Variants in EYA2 observed in about 807,000 individuals in gnomAD.
EYA2 encodes the protein EYA transcriptional coactivator and phosphatase 2.
EYA2 carries 31 observed loss-of-function variants against 69.2 expected under a neutral mutation model. The ratio of observed to expected loss-of-function variants is 0.45; its 90% CI spans 0.34 to 0.60. The LOEUF (loss-of-function observed/expected upper bound fraction) is 0.60, where lower values mean the gene tolerates loss of function less well. Among genes scored for constraint, EYA2 ranks in the 20% least tolerant of loss-of-function variants. EYA2 has a pLI of 0.02. For missense variants in EYA2, 622 were observed against 701.2 expected (o/e 0.89, Z 1.28); for synonymous variants, 257 against 279.4 (o/e 0.92, Z 0.80).
At chr20:46,955,661 T>G (rs1329406277) in intron 1 of EYA2, among the ~76,000 whole-genome samples, 1 of 152,220 alleles carries the variant, frequency 6.6e-6, no homozygotes, top group Admixed American at 6.5e-5. Context: ...AGAGTTTTCT[T>G]TTTACAAAAA....
intron 1 of EYA2, among the ~76,000 whole-genome samples, chr20:46,948,927 T>G (rs1978637599): frequency 6.6e-6 from 1 of 152,222 alleles, no homozygotes; most frequent in African/African-American, 2.4e-5. Context: ...ATATTTATTA[T>G]TTATTGTGTC....
intron 1 of EYA2, among the ~76,000 whole-genome samples, chr20:46,911,002 C>T (rs549185792): frequency 2.6e-5 from 4 of 152,310 alleles, no homozygotes; most frequent in Admixed American, 1.3e-4. Context: ...TCTCCAACAC[C>T]GAGGTTCAGG....
intron 9 of EYA2, chr20:47,117,274 T>G: frequency 1.5e-6 from 1 of 665,496 alleles, no homozygotes; most frequent in Non-Finnish European, 1.9e-6. Context: ...CCTTCCAAAG[T>G]GCTGGGGTTA....
chr20:47,058,792 A>G (rs986393128), intron 5 of EYA2, among the ~76,000 whole-genome samples: 3 of 152,184 alleles, frequency 2.0e-5, no homozygotes, highest in Admixed American at 2.0e-4. Flanking sequence ...GTGAGCTATG[A>G]TCGTGCCACT....
At chr20:46,987,933 T>C (rs1239010892) in intron 1 of EYA2, among the ~76,000 whole-genome samples, 2 of 33,662 alleles carry the variant, frequency 5.9e-5, no homozygotes, top group Admixed American at 3.5e-4. Flanking sequence ...TCTCTCTCTC[T>C]CTCTCTCTCT....
intron 14 of EYA2, among the ~76,000 whole-genome samples, chr20:47,182,628 T>TAA (rs772113561): frequency 4.7e-5 from 4 of 84,350 alleles, no homozygotes; most frequent in Middle Eastern, 8.3e-3. Flanking sequence ...AGACTCCGTC[T>TAA]AAAAAAAAAA....
chr20:47,086,964 C>T (rs1374965398), intron 7 of EYA2, among the ~76,000 whole-genome samples: 1 of 152,034 alleles, frequency 6.6e-6, no homozygotes, highest in Non-Finnish European at 1.5e-5. Context: ...CCTTAAACTA[C>T]CAAGTGAACC....
intron 1 of EYA2, among the ~76,000 whole-genome samples, chr20:46,987,984 A>C (rs1307526103): frequency 9.7e-5 from 7 of 72,220 alleles, no homozygotes; most frequent in Admixed American, 1.4e-4. Context: ...ATATATATAT[A>C]TATATATATA....
intron 1 of EYA2, among the ~76,000 whole-genome samples, chr20:46,970,656 G>A (rs1463812258): frequency 6.6e-6 from 1 of 152,192 alleles, no homozygotes; most frequent in Non-Finnish European, 1.5e-5. Flanking sequence ...AATAAACTCT[G>A]CTACATTATT....
chr20:46,941,763 C>CT (rs1009650884), intron 1 of EYA2, among the ~76,000 whole-genome samples: 30 of 149,340 alleles, frequency 2.0e-4, no homozygotes, highest in South Asian at 1.3e-3. Flanking sequence ...GTTCTTTTTT[C>CT]TTTTTTTTTT....
At chr20:46,999,056 C>G (rs1329348903) in intron 2 of EYA2, among the ~76,000 whole-genome samples, 1 of 152,062 alleles carries the variant, frequency 6.6e-6, no homozygotes, top group African/African-American at 2.4e-5. Context: ...CTGGGTGAGG[C>G]AAACATGCAA....
At chr20:47,061,123 G>A (rs750634891) in intron 5 of EYA2, among the ~76,000 whole-genome samples, 10 of 151,928 alleles carry the variant, frequency 6.6e-5, no homozygotes, top group Non-Finnish European at 1.3e-4. Context: ...CAAACTGCTG[G>A]GATTACAGAC....
chr20:47,148,736 G>A (rs1447019357), intron 10 of EYA2, among the ~76,000 whole-genome samples: 1 of 152,184 alleles, frequency 6.6e-6, no homozygotes, highest in Admixed American at 6.5e-5. Flanking sequence ...CTGGGTCATG[G>A]GTAAGGGTGG....
At chr20:47,168,515 G>A (rs1485169456) in intron 10 of EYA2, among the ~76,000 whole-genome samples, 4 of 152,196 alleles carry the variant, frequency 2.6e-5, no homozygotes, top group African/African-American at 9.6e-5. Flanking sequence ...GTCCCACAGA[G>A]AGAGGTGTTT....
At chr20:47,156,063 TACACACACACACACATATATATAC>T (rs2033919734) in intron 10 of EYA2, among the ~76,000 whole-genome samples, 1 of 45,624 alleles carries the variant, frequency 2.2e-5, no homozygotes, top group African/African-American at 1.3e-4. Flanking sequence ...TATATATACA[TACACACACACACACATATATATAC>T]ATACACACAC....
At chr20:47,136,733 C>A (rs2033484926) in intron 9 of EYA2, among the ~76,000 whole-genome samples, 1 of 144,766 alleles carries the variant, frequency 6.9e-6, no homozygotes, top group Non-Finnish European at 1.5e-5. Context: ...ACAGGGGAGA[C>A]CCTGTCTCAA....
chr20:47,013,294 G>A lies in EYA2; in HGVS notation c.299-2887G>A, dbSNP rs138955731. On this transcript the variant is annotated intron_variant, in intron 4 of 15. Coordinates refer to ENST00000327619, the MANE Select transcript of EYA2 (RefSeq NM_005244.5). The stretch of plus-strand genomic sequence containing the variant: ...TGCATGCTACTCGGGGCTGACTTAG[G>A]TCATAGAAGACCTTTCTAGGGAAAC... Among the ~76,000 whole-genome samples the A allele has an allele frequency of 7.9e-5, 12 of 152,298 alleles. No homozygotes were observed. In the East Asian group the frequency reaches 1.5e-3, roughly 20 times the overall value.
chr20:47,075,231 C>G lies in EYA2; in HGVS notation c.661+896C>G, dbSNP rs76656239. Among the ~76,000 whole-genome samples, 1,008 of 152,352 alleles carry G rather than the reference C, an allele frequency of 6.6e-3. 26 individuals carry two copies. The East Asian group carries it at 0.082, about 12-fold the overall frequency. On this transcript the variant is annotated intron_variant, in intron 7 of 15. Coordinates refer to ENST00000327619, the MANE Select transcript of EYA2 (RefSeq NM_005244.5). ...ACAAATATTTGGTAAGCTCCCACTG[C>G]ATTCCAGGCCCTCCCTTTAGTTTGG...
At chr20:47,025,804 C>T (rs1458282572) in intron 5 of EYA2, among the ~76,000 whole-genome samples, 1 of 152,186 alleles carries the variant, frequency 6.6e-6, no homozygotes, top group African/African-American at 2.4e-5. Context: ...GGAGTAGTAC[C>T]TGTTTTCACA....
Sources: allele counts gnomAD v4.1 joint callset (sites outside exome capture counted in the v4.1 genomes callset), GRCh38; gene constraint gnomAD v4.1.1; transcripts MANE v1.5; gene names NCBI Gene and HGNC (gene_info 2026-07-23, HGNC 2026-07-21).